The following APC2 variants were observed in gnomAD, a reference collection of about 807,000 sequenced individuals.
APC2 encodes the protein adenomatous polyposis coli protein 2.
APC2 carries 41 observed loss-of-function variants against 72.5 expected under a neutral mutation model. The observed-to-expected ratio is 0.57, with a 90% confidence interval of 0.44 to 0.73. The LOEUF (loss-of-function observed/expected upper bound fraction) is 0.73, where lower values mean the gene tolerates loss of function less well. APC2 is among the 30% of genes least tolerant of loss of function. The pLI is 0.00. For synonymous variants in APC2, 1,898 were observed against 1,612.0 expected (o/e 1.18, Z -4.25); for missense variants, 3,729 against 3,403.4 (o/e 1.10, Z -2.38).
rs554913945 is a variant in APC2, at chr19:1,472,449, C to G, written c.*2236C>G. The G allele has an allele frequency of 6.6e-6, 1 of 152,390 alleles. No individual in the cohort carries two copies. The highest frequency in any genetic ancestry group is 2.1e-4 in the South Asian group (1 of 4,832). 9.4% of individuals were successfully genotyped at this position (152,390 alleles called of 1,614,324 possible). ...GTTTCCCCATGTGGGCCGTGGGGAA[C>G]TCCCAGAGCTACCTCTTGGGGGAGC... On this transcript the variant is annotated 3_prime_UTR_variant, in exon 15 of 15. Transcript: ENST00000590469.
In APC2 at chr19:1,466,387, C is replaced by G. The variant is rs766580237; in HGVS notation, c.3086C>G (p.Ala1029Gly). ...PGISPGARKQ[A>G]WLPADHLSKV... ...ATCTCTCCAGGGGCCCGGAAGCAGGCCTGGCTGCCGGCAGACCACCTGAGC... is the reference window on the plus strand; with the variant it reads ...ATCTCTCCAGGGGCCCGGAAGCAGGGCTGGCTGCCGGCAGACCACCTGAGC... Residue 1029 changes from alanine to glycine, a missense_variant, in exon 15 of 15, where the codon GCC (alanine) becomes GGC (glycine). By Grantham distance (60) the Ala-to-Gly change is moderately conservative (BLOSUM62 0). Coordinates refer to ENST00000590469, the MANE Select transcript of APC2 (RefSeq NM_005883.3). The G allele has an allele frequency of 4.4e-6, 7 of 1,590,610 alleles. No homozygotes were observed.
chr19:1,468,932 C>T lies in APC2; in HGVS notation c.5631C>T (p.Ser1877=), dbSNP rs765166349. Residue 1877 remains serine, a synonymous_variant, in exon 15 of 15, where the codon TCC becomes TCT. Coordinates refer to ENST00000590469, the MANE Select transcript of APC2 (RefSeq NM_005883.3). ...CCAAGACCCCCTCCTCCAGCTCCTC[C>T]CAGACCTCGCCCGCCTCCCAGCCCC... ...RLAKTPSSSS[S]QTSPASQPLP... 1 of 1,543,494 alleles carries T rather than the reference C, an allele frequency of 6.5e-7. No individual in the cohort carries two copies. Among genetic ancestry groups the T allele is most frequent in the South Asian group, 1.2e-5 (1 of 83,628 alleles).
intron 1 of APC2, among the ~76,000 whole-genome samples, chr19:1,450,875 G>A (rs1221051619): frequency 6.6e-6 from 1 of 152,224 alleles, no homozygotes; most frequent in East Asian, 1.9e-4. Flanking sequence ...GTGTGGGATG[G>A]CAGGACTTAG....
Position 1,468,267 on chromosome 19 carries a change from C to T in APC2, c.4966C>T (p.Arg1656Trp), listed in dbSNP as rs770760502. ...GCGGCGCCGCAAGCCCCGAGCCACC[C>T]GGCTGGATGAGCGGCCCGCAGAGGG... ...GLRRRKPRAT[R>W]LDERPAEGSR... Residue 1656 changes from arginine to tryptophan, a missense_variant, in exon 15 of 15, where the codon CGG (arginine) becomes TGG (tryptophan). Physicochemically the swap from Arg to Trp is moderately radical, Grantham distance 101. Coordinates refer to ENST00000590469, the MANE Select transcript of APC2 (RefSeq NM_005883.3). The T allele has an allele frequency of 1.4e-4, 214 of 1,529,240 alleles. No homozygotes were observed. Among genetic ancestry groups the T allele is most frequent in the Middle Eastern group, 1.1e-3 (5 of 4,574 alleles). 94.7% of individuals were successfully genotyped at this position (1,529,240 alleles called of 1,614,324 possible).
chr19:1,457,739 G>C, intron 9 of APC2: 1 of 594,872 alleles, frequency 1.7e-6, no homozygotes, highest in Admixed American at 2.9e-5. Context: ...CAGCTGAAAG[G>C]TGTGGTGCTC....
At chr19:1,465,118 G>A (rs749507810) in intron 14 of APC2, 37 bp from the exon 15 acceptor site, 210 of 1,566,502 alleles carry the variant, frequency 1.3e-4, no homozygotes, top group Non-Finnish European at 1.6e-4. Context: ...AGGGGAGGGT[G>A]GGGGGTGGCC....
rs745491266 is a variant in APC2 at position 1,466,301 on chromosome 19, G to A, written c.3000G>A (p.Gln1000=). ...CCATCAAGCTGTCGCCTACCTATCA[G>A]CACGTGCCACTGCTTGAGGGTGCCT... ...VRTIKLSPTY[Q]HVPLLEGASR... Residue 1000 remains glutamine, a synonymous_variant, in exon 15 of 15, where the codon CAG becomes CAA. Coordinates refer to ENST00000590469, the MANE Select transcript of APC2 (RefSeq NM_005883.3). 3 of 1,539,412 alleles carry A rather than the reference G, an allele frequency of 1.9e-6. No homozygotes were observed. The highest frequency in any genetic ancestry group is 2.6e-6 in the Non-Finnish European group (3 of 1,147,200).
chr19:1,465,016 T>A (rs1175009346), intron 14 of APC2, 139 bp from the exon 15 acceptor site: 1 of 817,774 alleles, frequency 1.2e-6, no homozygotes, highest in African/African-American at 1.8e-5. Flanking sequence ...TGGGATATAC[T>A]TATACCAAAA....
chr19:1,454,338 G>A lies in APC2; in HGVS notation c.413+727G>A, dbSNP rs528380343. Among the ~76,000 whole-genome samples the A allele has an allele frequency of 6.0e-5, 9 of 150,854 alleles. No homozygotes were observed. In the South Asian group the frequency reaches 1.7e-3, roughly 28 times the overall value. Reference sequence around the variant, plus strand: ...CCTCCCTCAGTCTTTCTTCAAGGAGGAGAATTTCCAAAGGAATTGCTTTCT... The same window carrying A: ...CCTCCCTCAGTCTTTCTTCAAGGAGAAGAATTTCCAAAGGAATTGCTTTCT... On this transcript the variant is annotated intron_variant, in intron 4 of 14. Transcript: ENST00000590469.
chr19:1,466,059 G>C lies in APC2; in HGVS notation c.2758G>C (p.Ala920Pro). Reference protein sequence around the residue: ...HPLLRLKAAHASLSNDSLNSG... With the variant: ...HPLLRLKAAHPSLSNDSLNSG... ...GCTGCTGCGGCTCAAGGCGGCCCAC[G>C]CCAGCCTCTCCAACGACAGCCTCAA... The change falls in exon 15 of 15, where the codon GCC becomes CCC. Residue 920 changes from alanine (A) to proline (P), a missense_variant. Transcript: ENST00000590469. The C allele has an allele frequency of 2.0e-6, 3 of 1,513,280 alleles. No individual in the cohort carries two copies. Among genetic ancestry groups the C allele is most frequent in the Non-Finnish European group, 2.6e-6 (3 of 1,140,780 alleles). 93.7% of individuals were successfully genotyped at this position (1,513,280 alleles called of 1,614,324 possible). A position where few individuals can be genotyped will look rare whatever the true frequency, so the allele number is the denominator to read the frequency against.
In APC2 at chr19:1,468,117, G is replaced by T. The variant is rs1401900250; in HGVS notation, c.4816G>T (p.Val1606Phe). The T allele has an allele frequency of 6.6e-7, 1 of 1,518,772 alleles. No homozygotes were observed. Among genetic ancestry groups the T allele is most frequent in the Non-Finnish European group, 8.8e-7 (1 of 1,140,858 alleles). The allele number at this position is 1,518,772 out of a possible 1,614,324, so 94.1% of individuals were successfully genotyped here. A position where few individuals can be genotyped will look rare whatever the true frequency, so the allele number is the denominator to read the frequency against. The change falls in exon 15 of 15, where the codon GTC becomes TTC. Residue 1606 changes from valine to phenylalanine, a missense_variant. By Grantham distance (50) the Val-to-Phe change is conservative. Coordinates refer to ENST00000590469, the MANE Select transcript of APC2 (RefSeq NM_005883.3). ...CCATCCACGAGGCCGGGAGCCCGCG[G>T]TCACCAAGGACCCGGGCCCAGGAGG... Reference protein sequence around the residue: ...AVHPRGREPAVTKDPGPGGGR... With the variant: ...AVHPRGREPAFTKDPGPGGGR...
rs745659577 is a variant in APC2, at chr19:1,469,970, C to T, written c.6669C>T (p.Leu2223=). 7 of 1,521,234 alleles carry T rather than the reference C, an allele frequency of 4.6e-6. No homozygotes were observed. Among genetic ancestry groups the T allele is most frequent in the Admixed American group, 2.0e-5 (1 of 49,320 alleles). The allele number at this position is 1,521,234 out of a possible 1,614,324, so 94.2% of individuals were successfully genotyped here. ...EPPGAPAGGQ[L]SLLGSDVDGP... ...CCGGGGCCCCCGCCGGCGGCCAGCTCTCCCTCCTCGGCAGCGACGTGGACG... is the reference window on the plus strand; with the variant it reads ...CCGGGGCCCCCGCCGGCGGCCAGCTTTCCCTCCTCGGCAGCGACGTGGACG... Residue 2223 remains leucine, a synonymous_variant, in exon 15 of 15, where the codon CTC becomes CTT. Transcript: ENST00000590469.
intron 9 of APC2, chr19:1,457,525 G>A: frequency 1.9e-6 from 1 of 534,902 alleles, no homozygotes; most frequent in Non-Finnish European, 3.3e-6. Flanking sequence ...TTCTTTTTTT[G>A]CAGTTGATCG....
At chr19:1,458,455 G>A (rs561099646) in intron 10 of APC2, 106 of 187,586 alleles carry the variant, frequency 5.7e-4, no homozygotes, top group African/African-American at 2.0e-3. Context: ...AATTGAGGCC[G>A]GGCGAGGCTG....
Position 1,457,247 on chromosome 19 carries a change from A to C in APC2, c.1207+4A>C. Reference sequence around the variant, plus strand: ...GAGGGAGGTGGCGCCGGCAGCGGTGAGTGCCTGGCCTGGTGGGCCCCCTCC... The same window carrying C: ...GAGGGAGGTGGCGCCGGCAGCGGTGCGTGCCTGGCCTGGTGGGCCCCCTCC... On this transcript the variant is annotated splice_donor_region_variant and intron_variant, in intron 9 of 14. Transcript: ENST00000590469. The C allele has an allele frequency of 1.3e-6, 2 of 1,523,210 alleles. No individual in the cohort carries two copies. The highest frequency in any genetic ancestry group is 1.8e-6 in the Non-Finnish European group (2 of 1,139,980). 94.4% of individuals were successfully genotyped at this position (1,523,210 alleles called of 1,614,324 possible). A position where few individuals can be genotyped will look rare whatever the true frequency, so the allele number is the denominator to read the frequency against.
chr19:1,459,492 C>T (rs182547240), intron 10 of APC2, among the ~76,000 whole-genome samples: 387 of 152,314 alleles, frequency 2.5e-3, no homozygotes, highest in African/African-American at 8.9e-3. Context: ...CTCTGTGAAT[C>T]GTGCTGTGGT....
In APC2 at chr19:1,470,152, C is replaced by T; in HGVS notation, c.6851C>T (p.Ala2284Val). 1 of 1,604,650 alleles carries T rather than the reference C, an allele frequency of 6.2e-7. No homozygotes were observed. Residue 2284 changes from alanine (A) to valine (V), a missense_variant, in exon 15 of 15, where the codon GCC becomes GTC. Transcript: ENST00000590469. ...GTGCCCAGCCCCATGGTGGTCGCAG[C>T]CACCACCGACTCGGCCGCGGAGAAA... ...NYVPSPMVVA[A>V]TTDSAAEKAP...
chr19:1,456,802 G>A (rs1461010732), intron 8 of APC2, 51 bp from the exon 9 acceptor site: 1 of 1,556,214 alleles, frequency 6.4e-7, no homozygotes, highest in East Asian at 2.4e-5. Flanking sequence ...GGGTTTCCAG[G>A]TGTGCGGGGG....
In APC2 at chr19:1,465,911, T is replaced by C. The variant is rs768785607; in HGVS notation, c.2610T>C (p.Asp870=). The C allele has an allele frequency of 2.1e-5, 34 of 1,583,632 alleles. 1 individual carries two copies. Among genetic ancestry groups the C allele is most frequent in the African/African-American group, 1.1e-4 (8 of 73,072 alleles). ...CCGCCCTGCACACCTCGTCCGACGA[T>C]AGCTTCAGCCTCAGCTCTGGAGACC... ...DISALHTSSD[D]SFSLSSGDPG... is the part of the protein sequence containing the mutation. The change falls in exon 15 of 15, where the codon GAT becomes GAC. Residue 870 remains aspartate (D), a synonymous_variant. Coordinates refer to ENST00000590469, the MANE Select transcript of APC2 (RefSeq NM_005883.3).
Sources: gnomAD v4.1 joint callset for allele counts (sites outside exome capture counted in the v4.1 genomes callset) on GRCh38, gnomAD v4.1.1 for gene constraint, MANE v1.5 for transcripts, NCBI Gene and HGNC (gene_info 2026-07-23, HGNC 2026-07-21) for gene names.